Variants in SDK1 observed in about 807,000 individuals in gnomAD.
The protein encoded by SDK1 is protein sidekick-1.
SDK1 carries 157 observed loss-of-function variants against 245.5 expected under a neutral mutation model. That is an observed-to-expected ratio of 0.64 (90% CI 0.56 to 0.73). The LOEUF (loss-of-function observed/expected upper bound fraction) is 0.73, where lower values mean the gene tolerates loss of function less well. Among genes scored for constraint, SDK1 ranks in the 30% least tolerant of loss-of-function variants. The pLI is 0.00. For synonymous variants in SDK1, 1,647 were observed against 1,278.5 expected (o/e 1.29, Z -6.15); for missense variants, 3,583 against 3,002.3 (o/e 1.19, Z -4.52).
chr7:3,676,245 C>T (rs1273083283), intron 4 of SDK1, among the ~76,000 whole-genome samples: 7 of 152,120 alleles, frequency 4.6e-5, no homozygotes, highest in African/African-American at 1.4e-4. Context: ...TCTCAAACTC[C>T]TGGGCTCAAG....
chr7:4,083,616 T>TC (rs1781214164), intron 22 of SDK1, among the ~76,000 whole-genome samples: 1 of 74,166 alleles, frequency 1.3e-5, no homozygotes, highest in Non-Finnish European at 2.5e-5. Context: ...TCCCTTCTCT[T>TC]GTCCCTCCCT....
Position 4,208,269 on chromosome 7 carries a change from G to T in SDK1, c.5385G>T (p.Gly1795=), listed in dbSNP as rs376434386. The change falls in exon 37 of 45, where the codon GGG becomes GGT. Residue 1795 remains glycine (G), a synonymous_variant. Coordinates refer to ENST00000404826, the MANE Select transcript of SDK1 (RefSeq NM_152744.4). ...GDGPKSDPQQ[G]RTHQAAPGAP... is the part of the protein sequence containing the mutation. ...GACCTAAGAGTGACCCCCAGCAGGG[G>T]CGCACCCACCAGGCCGGTAGGAGGA... 1.1e-5 allele frequency: 17 copies of T among 1,613,228 alleles called. No individual in the cohort carries two copies. The highest frequency in any genetic ancestry group is 3.3e-5 in the South Asian group (3 of 91,020).
At chr7:4,246,975 G>C (rs950700856) in intron 44 of SDK1, among the ~76,000 whole-genome samples, 3 of 152,182 alleles carry the variant, frequency 2.0e-5, no homozygotes, top group African/African-American at 7.2e-5. Context: ...CACCATCTCC[G>C]TTTCTCATAC....
chr7:3,514,352 TA>T (rs1253126518), intron 1 of SDK1, among the ~76,000 whole-genome samples: 3 of 152,210 alleles, frequency 2.0e-5, no homozygotes, highest in African/African-American at 7.2e-5. Context: ...AATATATACT[TA>T]AAACACCCAA....
intron 1 of SDK1, among the ~76,000 whole-genome samples, chr7:3,405,155 AAAC>A (rs1779014214): frequency 6.8e-6 from 1 of 146,844 alleles, no homozygotes; most frequent in East Asian, 1.9e-4. Context: ...TTGTAAAAAA[AAAC>A]CAAAAAAAAA....
chr7:3,516,975 G>T (rs1345399133), intron 1 of SDK1, among the ~76,000 whole-genome samples: 1 of 152,088 alleles, frequency 6.6e-6, no homozygotes, highest in East Asian at 1.9e-4. Flanking sequence ...TATCTTTTTG[G>T]TGAGGTGATG....
At chr7:3,764,294 G>C (rs978678658) in intron 4 of SDK1, among the ~76,000 whole-genome samples, 1 of 152,006 alleles carries the variant, frequency 6.6e-6, no homozygotes, top group African/African-American at 2.4e-5. Context: ...GATCTAAGGC[G>C]GTATTCTCCA....
At chr7:3,814,958 G>A (rs1165789952) in intron 4 of SDK1, among the ~76,000 whole-genome samples, 6 of 151,870 alleles carry the variant, frequency 4.0e-5, no homozygotes, top group South Asian at 2.1e-4. Flanking sequence ...TTTGTACATC[G>A]ATTTTGTATC....
intron 1 of SDK1, among the ~76,000 whole-genome samples, chr7:3,415,619 T>C (rs1779341977): frequency 6.6e-6 from 1 of 151,784 alleles, no homozygotes; most frequent in South Asian, 2.1e-4. Flanking sequence ...ATTGGAAGGA[T>C]ACCCACAAGT....
At chr7:3,389,948 C>T (rs1781706394) in intron 1 of SDK1, among the ~76,000 whole-genome samples, 1 of 152,116 alleles carries the variant, frequency 6.6e-6, no homozygotes, top group East Asian at 1.9e-4. Flanking sequence ...ATATTAAAGA[C>T]TGCTGGTGAG....
At chr7:3,918,862 T>C (rs536994444) in intron 5 of SDK1, among the ~76,000 whole-genome samples, 17 of 152,294 alleles carry the variant, frequency 1.1e-4, no homozygotes, top group African/African-American at 4.1e-4. Context: ...ACATGGCTTC[T>C]CACACTCTAT....
At chr7:4,206,067 C>A in intron 36 of SDK1, 73 bp downstream of exon 36, 1 of 999,804 alleles carries the variant, frequency 1.0e-6, no homozygotes, top group Non-Finnish European at 1.5e-6. Flanking sequence ...CTGCCTACTG[C>A]ATTGCCAGCA....
At chr7:3,386,245 A>G (rs1228042135) in intron 1 of SDK1, among the ~76,000 whole-genome samples, 1 of 152,202 alleles carries the variant, frequency 6.6e-6, no homozygotes, top group East Asian at 1.9e-4. Context: ...GATGTGCAAG[A>G]TTTGGTTTTA....
intron 44 of SDK1, among the ~76,000 whole-genome samples, chr7:4,254,499 T>G (rs561868436): frequency 6.6e-6 from 1 of 152,334 alleles, no homozygotes; most frequent in East Asian, 1.9e-4. Flanking sequence ...TTATTGATAT[T>G]CTTCAATTGT....
chr7:4,058,057 A>T (rs1343130188), intron 19 of SDK1, among the ~76,000 whole-genome samples: 1 of 152,236 alleles, frequency 6.6e-6, no homozygotes, highest in South Asian at 2.1e-4. Context: ...ACAGATTCCA[A>T]TGAAAAAGAA....
At chr7:3,410,079 A>G (rs1306058685) in intron 1 of SDK1, among the ~76,000 whole-genome samples, 1 of 152,228 alleles carries the variant, frequency 6.6e-6, no homozygotes, top group African/African-American at 2.4e-5. Flanking sequence ...TATAAAGTCC[A>G]TAACAATGTC....
At chr7:3,385,248 A>G (rs1781581855) in intron 1 of SDK1, among the ~76,000 whole-genome samples, 1 of 152,182 alleles carries the variant, frequency 6.6e-6, no homozygotes, top group Admixed American at 6.6e-5. Flanking sequence ...TGAAATATCT[A>G]TAGAAGACAT....
Position 4,011,018 on chromosome 7 carries a change from C to T in SDK1, c.2184C>T (p.Val728=), listed in dbSNP as rs535177774. The T allele has an allele frequency of 6.8e-6, 11 of 1,614,224 alleles. No homozygotes were observed. The highest frequency in any genetic ancestry group is 5.5e-5 in the South Asian group (5 of 91,080). The part of the protein sequence containing the change: ...LSNVGPEMTG[V]TVSGLTPART... The stretch of plus-strand genomic sequence containing the variant: ...ACGTTGGCCCTGAGATGACAGGCGT[C>T]ACCGTGAGTGGCCTGACTCCGGCTC... Residue 728 remains valine (V), a synonymous_variant, in exon 15 of 45, where the codon GTC becomes GTT. Coordinates refer to ENST00000404826, the MANE Select transcript of SDK1 (RefSeq NM_152744.4).
At chr7:4,231,939 C>T (rs1167135229) in intron 40 of SDK1, among the ~76,000 whole-genome samples, 2 of 152,078 alleles carry the variant, frequency 1.3e-5, no homozygotes, top group African/African-American at 4.8e-5. Flanking sequence ...TTTCCCTCAC[C>T]AGATTCCCTG....
Sources: allele counts gnomAD v4.1 joint callset (sites outside exome capture counted in the v4.1 genomes callset), GRCh38; gene constraint gnomAD v4.1.1; transcripts MANE v1.5; gene names NCBI Gene and HGNC (gene_info 2026-07-23, HGNC 2026-07-21).